LRRN4: variants seen among roughly 807,000 people sequenced by gnomAD.
LRRN4 encodes the protein leucine rich repeat neuronal 4, also known as leucine-rich repeat neuronal protein 4.
Under a neutral mutation model 22.3 loss-of-function variants are expected in LRRN4, and 26 were observed. The observed-to-expected ratio is 1.16, with a 90% CI of 0.85 to 1.62. The LOEUF (loss-of-function observed/expected upper bound fraction) is 1.62, where lower values mean the gene tolerates loss of function less well. Among genes scored for constraint, LRRN4 ranks in the 40% most tolerant of loss-of-function variants. The pLI, the probability that LRRN4 is intolerant of heterozygous loss-of-function variation, is 0.00. For missense variants in LRRN4, 1,070 were observed against 1,008.5 expected (o/e 1.06, Z -0.83); for synonymous variants, 496 against 486.2 (o/e 1.02, Z -0.26).
At chr20:6,049,693 G>A (rs1335773349) in intron 3 of LRRN4, among the ~76,000 whole-genome samples, 2 of 152,086 alleles carry the variant, frequency 1.3e-5, no homozygotes, top group Non-Finnish European at 2.9e-5. Context: ...AGTAGAGATG[G>A]GGTTTCACCA....
intron 3 of LRRN4, among the ~76,000 whole-genome samples, chr20:6,045,963 C>T (rs554361673): frequency 7.4e-5 from 11 of 149,088 alleles, no homozygotes; most frequent in Admixed American, 2.0e-4. Flanking sequence ...TCCCACTGGC[C>T]CCAAGCAAAT....
chr20:6,053,078 T>G (rs1173774154), intron 1 of LRRN4, among the ~76,000 whole-genome samples: 1 of 152,152 alleles, frequency 6.6e-6, no homozygotes. Context: ...GAGGGAGGCC[T>G]TCTTCATCTG....
intron 3 of LRRN4, among the ~76,000 whole-genome samples, chr20:6,048,824 C>A (rs901657065): frequency 1.3e-5 from 2 of 152,050 alleles, no homozygotes; most frequent in East Asian, 3.8e-4. Context: ...TGGAGGAGGA[C>A]GCATTAGGCT....
At position 6,041,615 on chromosome 20, in the gene LRRN4, C is replaced by T; in HGVS notation, c.1630G>A (p.Asp544Asn). ...RKEEVGTPHQDVPCDYHPCKH... is the reference protein window; with the variant it reads ...RKEEVGTPHQNVPCDYHPCKH... Reference sequence around the variant, plus strand: ...CAGGGATGGTAATCACAGGGGACGTCCTGGTGAGGCGTTCCCACCTCCTCC... The same window carrying T: ...CAGGGATGGTAATCACAGGGGACGTTCTGGTGAGGCGTTCCCACCTCCTCC... Residue 544 changes from aspartate to asparagine, a missense_variant, in exon 5 of 5, where the codon GAC becomes AAC. By Grantham distance (23) the Asp-to-Asn change is conservative (BLOSUM62 1). Coordinates refer to ENST00000378858, the MANE Select transcript of LRRN4 (RefSeq NM_152611.5). This position sits in a 1 kb window ranked among gnomAD's most constrained non-coding sequence, Gnocchi z 9.4. The T allele has an allele frequency of 6.3e-7, 1 of 1,584,340 alleles. No individual in the cohort carries two copies. Among genetic ancestry groups the T allele is most frequent in the South Asian group, 1.2e-5 (1 of 85,416 alleles).
At chr20:6,051,129 A>C in intron 2 of LRRN4, 146 bp from the exon 3 acceptor site, 2 of 721,704 alleles carry the variant, frequency 2.8e-6, no homozygotes, top group Non-Finnish European at 2.4e-6. Context: ...TGGGAATCTC[A>C]GAATTGTGGT....
chr20:6,052,534 G>A lies in LRRN4; in HGVS notation c.266C>T (p.Ala89Val), dbSNP rs529938293. Residue 89 changes from alanine (A) to valine (V), a missense_variant, in exon 2 of 5, where the codon GCC (alanine) becomes GTC (valine). Physicochemically the swap from Ala to Val is moderately conservative, Grantham distance 64. Coordinates refer to ENST00000378858, the MANE Select transcript of LRRN4 (RefSeq NM_152611.5). ...SLDASHNLLR[A>V]LSTSELGHLE... ...GTGGCCGAGCTCGGAAGTGCTCAGGGCGCGCAGCAGGTTGTGGCTGGCGTC... is the reference window on the plus strand; with the variant it reads ...GTGGCCGAGCTCGGAAGTGCTCAGGACGCGCAGCAGGTTGTGGCTGGCGTC... The A allele has an allele frequency of 2.5e-5, 40 of 1,588,058 alleles. No homozygotes were observed. Among genetic ancestry groups the A allele is most frequent in the African/African-American group, 1.3e-4 (10 of 74,800 alleles).
Position 6,041,614 on chromosome 20 carries a change from T to C in LRRN4, c.1631A>G (p.Asp544Gly). The change falls in exon 5 of 5, where the codon GAC becomes GGC. Residue 544 changes from aspartate (D) to glycine (G), a missense_variant. Coordinates refer to ENST00000378858, the MANE Select transcript of LRRN4 (RefSeq NM_152611.5). This position sits in a 1 kb window ranked among gnomAD's most constrained non-coding sequence, Gnocchi z 9.4. ...GCAGGGATGGTAATCACAGGGGACG[T>C]CCTGGTGAGGCGTTCCCACCTCCTC... is the stretch of plus-strand genomic sequence containing the variant. The part of the protein sequence containing the change: ...RKEEVGTPHQ[D>G]VPCDYHPCKH... 6.3e-7 allele frequency: 1 copy of C among 1,583,556 alleles called. No individual in the cohort carries two copies. The highest frequency in any genetic ancestry group is 2.2e-5 in the East Asian group (1 of 44,580).
chr20:6,051,741 A>C (rs1212170521), intron 2 of LRRN4, among the ~76,000 whole-genome samples: 2 of 152,202 alleles, frequency 1.3e-5, no homozygotes, highest in African/African-American at 4.8e-5. Context: ...TCCATTCATC[A>C]GCCCCAAAGC....
Position 6,042,233 on chromosome 20 carries a change from T to TA in LRRN4, c.1011dup (p.Met338TyrfsTer74). On this transcript the variant is annotated frameshift_variant, in exon 5 of 5. Coordinates refer to ENST00000378858, the MANE Select transcript of LRRN4 (RefSeq NM_152611.5). LOFTEE classifies it low-confidence loss of function (END_TRUNC). Reference sequence around the variant, plus strand: ...CTGGATCCCGCAGCTGGCGCGCACATAGTGTCTGCTGCCCTGGAGGGGAGG... The same window carrying TA: ...CTGGATCCCGCAGCTGGCGCGCACATAAGTGTCTGCTGCCCTGGAGGGGAGG... The TA allele has an allele frequency of 6.2e-7, 1 of 1,610,434 alleles. No homozygotes were observed.
rs775293904 is a variant in LRRN4 at position 6,041,815 on chromosome 20, G to A, written c.1430C>T (p.Pro477Leu). The change falls in exon 5 of 5, where the codon CCA (proline) becomes CTA (leucine). Residue 477 changes from proline to leucine, a missense_variant. Physicochemically the swap from Pro to Leu is moderately conservative, Grantham distance 98. Coordinates refer to ENST00000378858, the MANE Select transcript of LRRN4 (RefSeq NM_152611.5). The surrounding 1 kb of genome is among the most constrained non-coding windows in gnomAD (Gnocchi z 9.4). ...GGGGCCCAGGAGCTTGCTGGCCAGTGGGGTGGAGGCAGCTGAGATATCAGG... is the reference window on the plus strand; with the variant it reads ...GGGGCCCAGGAGCTTGCTGGCCAGTAGGGTGGAGGCAGCTGAGATATCAGG... ...LEPDISAAST[P>L]LASKLLGPFP... The A allele has an allele frequency of 3.1e-6, 5 of 1,614,166 alleles. No individual in the cohort carries two copies. The South Asian group carries it at 5.5e-5, about 18-fold the overall frequency.
In LRRN4 at chr20:6,052,740, A is replaced by G. The variant is rs1981295628; in HGVS notation, c.60T>C (p.Pro20=). ...LTVLRPSWAD[P]PQEKVPLFRV... ...GGAAGAGCGGGACCTTCTCCTGGGG[A>G]GGGTCTGCCCAGCTGGGGCGCAGCA... Residue 20 remains proline, a synonymous_variant, in exon 2 of 5, where the codon CCT becomes CCC. Transcript: ENST00000378858. 2 of 1,572,120 alleles carry G rather than the reference A, an allele frequency of 1.3e-6. No individual in the cohort carries two copies.
rs374733989 is a variant in LRRN4 at position 6,042,077 on chromosome 20, C to T, written c.1168G>A (p.Ala390Thr). 2 of 1,614,020 alleles carry T rather than the reference C, an allele frequency of 1.2e-6. No homozygotes were observed. The highest frequency in any genetic ancestry group is 1.7e-6 in the Non-Finnish European group (2 of 1,179,978). The change falls in exon 5 of 5, where the codon GCG (alanine) becomes ACG (threonine). Residue 390 changes from alanine (A) to threonine (T), a missense_variant. Physicochemically the swap from Ala to Thr is moderately conservative, Grantham distance 58. Coordinates refer to ENST00000378858, the MANE Select transcript of LRRN4 (RefSeq NM_152611.5). ...CGGGTGGCGGGGGCTGCGCTGGGCG[C>T]GACGGTGGTACCCTGTGCGTAGGTG... ...RSTYAQGTTV[A>T]PSAAPATRPA...
At position 6,041,676 on chromosome 20, in the gene LRRN4, C is replaced by T; in HGVS notation, c.1569G>A (p.Leu523=). ...CCTCCTCCTCACTGTAGTCGTCCAGCAGCAAGACTGGAATCTCGCCCTCGG... is the reference window on the plus strand; with the variant it reads ...CCTCCTCCTCACTGTAGTCGTCCAGTAGCAAGACTGGAATCTCGCCCTCGG... ...SLSEGEIPVL[L]LDDYSEEEEG... Residue 523 remains leucine, a synonymous_variant, in exon 5 of 5, where the codon CTG becomes CTA. Transcript: ENST00000378858. This position sits in a 1 kb window ranked among gnomAD's most constrained non-coding sequence, Gnocchi z 9.4. The T allele has an allele frequency of 6.2e-7, 1 of 1,612,638 alleles. No homozygotes were observed. The highest frequency in any genetic ancestry group is 8.5e-7 in the Non-Finnish European group (1 of 1,179,116).
In LRRN4 at chr20:6,040,614, C is replaced by T. The variant is rs762070218; in HGVS notation, c.*408G>A. Among the ~76,000 whole-genome samples the T allele has an allele frequency of 1.3e-5, 2 of 152,176 alleles. No individual in the cohort carries two copies. The highest frequency in any genetic ancestry group is 2.9e-5 in the Non-Finnish European group (2 of 68,026). ...TAGAGCTTGACCATGAAGGAGCTTC[C>T]GCTGGAAAGACCTGAGGATGTGATT... On this transcript the variant is annotated 3_prime_UTR_variant, in exon 5 of 5. Transcript: ENST00000378858.
chr20:6,047,824 G>A (rs1265166043), intron 3 of LRRN4, among the ~76,000 whole-genome samples: 1 of 150,894 alleles, frequency 6.6e-6, no homozygotes, highest in African/African-American at 2.4e-5. Flanking sequence ...CAGGCGTCAC[G>A]AGACTGTCAA....
intron 3 of LRRN4, among the ~76,000 whole-genome samples, chr20:6,047,079 A>G (rs6085360): frequency 0.099 from 15,003 of 152,144 alleles, 889 homozygotes; most frequent in Middle Eastern, 0.21. Context: ...CATGTAAAGA[A>G]AATTATTCTT....
At chr20:6,049,261 C>T (rs1306611865) in intron 3 of LRRN4, among the ~76,000 whole-genome samples, 4 of 152,104 alleles carry the variant, frequency 2.6e-5, no homozygotes, top group African/African-American at 7.2e-5. Context: ...GGATCATTAC[C>T]CCCACCTGTC....
intron 4 of LRRN4, among the ~76,000 whole-genome samples, chr20:6,043,600 G>A (rs1006102923): frequency 5.3e-5 from 8 of 151,840 alleles, no homozygotes; most frequent in Non-Finnish European, 8.8e-5. Context: ...GCTGGGCTTG[G>A]GTGGGAGATG....
Position 6,047,935 on chromosome 20 carries a change from G to A in LRRN4, c.860+2844C>T, listed in dbSNP as rs187788218. On this transcript the variant is annotated intron_variant, in intron 3 of 4. Coordinates refer to ENST00000378858, the MANE Select transcript of LRRN4 (RefSeq NM_152611.5). ...GAAGGCAGTAAGGAAGATGGGAGAC[G>A]AAGAGGACTTGATCTAGAGTTGCCC... 7.9e-5 allele frequency among the ~76,000 whole-genome samples: 12 copies of A among 152,248 alleles called. No individual in the cohort carries two copies. In the East Asian group the frequency reaches 1.7e-3, roughly 22 times the overall value.
Sources: gnomAD v4.1 joint callset for allele counts (sites outside exome capture counted in the v4.1 genomes callset) on GRCh38, gnomAD v4.1.1 for gene constraint, Gnocchi (gnomAD v3.1) non-coding constraint, MANE v1.5 for transcripts, NCBI Gene and HGNC (gene_info 2026-07-23, HGNC 2026-07-21) for gene names.